Variants in GGA2 observed in about 807,000 individuals in gnomAD.
The protein encoded by GGA2 is golgi associated, gamma adaptin ear containing, ARF binding protein 2, also known as ADP-ribosylation factor-binding protein GGA2.
Under a neutral mutation model 79.5 loss-of-function variants are expected in GGA2, and 48 were observed. The ratio of observed to expected loss-of-function variants is 0.60; its 90% confidence interval spans 0.48 to 0.77. The LOEUF is 0.77. Among genes scored for constraint, GGA2 ranks in the 30% least tolerant of loss-of-function variants. The pLI, the probability that GGA2 is intolerant of heterozygous loss-of-function variation, is 0.00. For missense variants in GGA2, 770 were observed against 774.0 expected (o/e 0.99, Z 0.06); for synonymous variants, 317 against 302.0 (o/e 1.05, Z -0.51).
At position 23,465,097 on chromosome 16, in the gene GGA2, A is replaced by C; in HGVS notation, c.*2493T>G. ...ACACATCATGAATTTGCTTCTCCCC[A>C]GAGGAAAAGAAGCTCCTTCAGGGTG... On this transcript the variant is annotated 3_prime_UTR_variant, in exon 17 of 17. Transcript: ENST00000309859. The C allele has an allele frequency of 1.8e-6, 1 of 565,924 alleles. No homozygotes were observed. The highest frequency in any genetic ancestry group is 1.9e-5 in the African/African-American group (1 of 53,412). 35.1% of individuals were successfully genotyped at this position (565,924 alleles called of 1,614,324 possible).
chr16:23,492,625 A>G (rs1048980688), intron 4 of GGA2, among the ~76,000 whole-genome samples: 10 of 152,148 alleles, frequency 6.6e-5, no homozygotes, highest in African/African-American at 2.2e-4. Flanking sequence ...GACCTTGCCT[A>G]TGTATCGCTT....
chr16:23,504,589 C>G (rs147529603), intron 1 of GGA2, among the ~76,000 whole-genome samples: 1 of 152,168 alleles, frequency 6.6e-6, no homozygotes, highest in Non-Finnish European at 1.5e-5. Flanking sequence ...TTGAGCAGCT[C>G]CAAAAAATGA....
upstream of GGA2, among the ~76,000 whole-genome samples, chr16:23,514,351 GC>G (rs1370349898): frequency 2.6e-5 from 4 of 151,974 alleles, no homozygotes; most frequent in East Asian, 7.7e-4. Flanking sequence ...CAAATGATCC[GC>G]CCACCTCAGC....
intron 2 of GGA2, among the ~76,000 whole-genome samples, chr16:23,519,232 A>C (rs1462471467): frequency 2.6e-5 from 4 of 152,050 alleles, no homozygotes; most frequent in Admixed American, 2.0e-4. Flanking sequence ...TTGTAGAAAC[A>C]GGGTTTCACC....
rs777867432 is a variant in GGA2 at position 23,495,677 on chromosome 16, G to A, written c.176+17C>T. On this transcript the variant is annotated intron_variant, in intron 2 of 16. Transcript: ENST00000309859. ...GGTGCCCCCAGAGTCAACTATGTGT[G>A]TGAGAAGTTACCTTACCCATTGGGG... is the stretch of plus-strand genomic sequence containing the variant. The A allele has an allele frequency of 1.5e-5, 22 of 1,458,726 alleles. No homozygotes were observed. Among genetic ancestry groups the A allele is most frequent in the Non-Finnish European group, 2.0e-5 (21 of 1,039,188 alleles). The allele number at this position is 1,458,726 out of a possible 1,614,324, so 90.4% of individuals were successfully genotyped here.
chr16:23,474,834 G>A, intron 14 of GGA2, 70 bp downstream of exon 14: 1 of 1,173,616 alleles, frequency 8.5e-7, no homozygotes, highest in South Asian at 1.2e-5. Context: ...AAACTGGAGT[G>A]GAAAAAGCTG....
chr16:23,480,474 CA>C, intron 10 of GGA2, 170 bp downstream of exon 10: 1 of 588,800 alleles, frequency 1.7e-6, no homozygotes, highest in South Asian at 2.5e-5. Flanking sequence ...CAGCTCATGA[CA>C]ATTCCTATGG....
rs771430125 is a variant in GGA2 at position 23,467,598 on chromosome 16, C to A, written c.1834G>T (p.Ala612Ser). The change falls in exon 17 of 17, where the codon GCA becomes TCA. Residue 612 changes from alanine (A) to serine (S), a missense_variant. By Grantham distance (99) the Ala-to-Ser change is moderately conservative. Transcript: ENST00000309859. ...GTCCATCTTGTGAAAAGTTAGGCTGCGCCCAAGACAGCCAGGTCTGGGAAG... is the reference window on the plus strand; with the variant it reads ...GTCCATCTTGTGAAAAGTTAGGCTGAGCCCAAGACAGCCAGGTCTGGGAAG... Reference protein sequence around the residue: ...KDFPDLAVLGAA With the variant: ...KDFPDLAVLGSA 7.1e-6 allele frequency: 11 copies of A among 1,544,676 alleles called. No homozygotes were observed. The highest frequency in any genetic ancestry group is 6.7e-5 in the East Asian group (3 of 44,598).
intron 1 of GGA2, among the ~76,000 whole-genome samples, chr16:23,520,180 G>C (rs556994983): frequency 2.7e-5 from 4 of 147,574 alleles, no homozygotes; most frequent in Non-Finnish European, 4.4e-5. Flanking sequence ...TTGAACCCGG[G>C]AAGTGGAGGT....
chr16:23,484,292 C>T (rs1964685331), intron 8 of GGA2, among the ~76,000 whole-genome samples: 1 of 151,886 alleles, frequency 6.6e-6, no homozygotes, highest in African/African-American at 2.4e-5. Context: ...CTGGCACATT[C>T]CTGTAATCCC....
chr16:23,488,531 T>C, intron 6 of GGA2, 75 bp downstream of exon 6: 1 of 879,286 alleles, frequency 1.1e-6, no homozygotes, highest in East Asian at 2.4e-5. Context: ...CATACTCCGA[T>C]TCAAGCATCA....
At chr16:23,505,412 C>T (rs1197806275) in intron 1 of GGA2, among the ~76,000 whole-genome samples, 3 of 152,186 alleles carry the variant, frequency 2.0e-5, no homozygotes, top group Non-Finnish European at 2.9e-5. Context: ...GATCCTAGGA[C>T]ACCCATACAA....
upstream of GGA2, among the ~76,000 whole-genome samples, chr16:23,510,694 G>A (rs902721057): frequency 6.6e-6 from 1 of 152,238 alleles, no homozygotes; most frequent in African/African-American, 2.4e-5. Flanking sequence ...AGAAGAACAC[G>A]AATAATTCTT....
In GGA2 at chr16:23,475,169, C is replaced by CA. The variant is rs1269740833; in HGVS notation, c.1293-109dup. The CA allele has an allele frequency of 5.0e-6, 3 of 599,202 alleles. No individual in the cohort carries two copies. In the East Asian group the frequency reaches 9.2e-5, roughly 18 times the overall value. 37.1% of individuals were successfully genotyped at this position (599,202 alleles called of 1,614,324 possible). A position where few individuals can be genotyped will look rare whatever the true frequency, so the allele number is the denominator to read the frequency against. ...GGAAAAAATAACACACACACACACA[C>CA]AGAGTTAGATGTTATATGCCTTTTT... On this transcript the variant is annotated intron_variant, in intron 13 of 16. Coordinates refer to ENST00000309859, the MANE Select transcript of GGA2 (RefSeq NM_015044.4).
At chr16:23,501,470 T>C (rs1791354596) in intron 1 of GGA2, 2 of 420,192 alleles carry the variant, frequency 4.8e-6, no homozygotes, top group Admixed American at 2.8e-5. Context: ...TTATGCAAGA[T>C]ATTACTTCGA....
chr16:23,469,079 TC>T, intron 15 of GGA2, 83 bp from the exon 16 acceptor site: 1 of 839,342 alleles, frequency 1.2e-6, no homozygotes, highest in Non-Finnish European at 2.0e-6. Context: ...GAGCTGGACC[TC>T]CCCAACACCC....
At chr16:23,507,537 A>G (rs1484342206) in intron 1 of GGA2, among the ~76,000 whole-genome samples, 1 of 152,230 alleles carries the variant, frequency 6.6e-6, no homozygotes, top group East Asian at 1.9e-4. Context: ...CTGAGGCAGG[A>G]GAATTGCTTG....
At position 23,480,651 on chromosome 16, in the gene GGA2, A is replaced by T. The variant is rs138560859; in HGVS notation, c.1000T>A (p.Ser334Thr). 61 of 1,612,298 alleles carry T rather than the reference A, an allele frequency of 3.8e-5. No individual in the cohort carries two copies. The African/African-American group carries it at 7.6e-4, about 20-fold the overall frequency. The change falls in exon 10 of 17, where the codon TCC (serine) becomes ACC (threonine). Residue 334 changes from serine to threonine, a missense_variant. Physicochemically the swap from Ser to Thr is moderately conservative, Grantham distance 58. Transcript: ENST00000309859. ...VTSSLGDIPVSRVFQNPAGCM... is the reference protein window; with the variant it reads ...VTSSLGDIPVTRVFQNPAGCM... ...GAGAAGCTTTCAAACATACCTCTGG[A>T]GACAGGGATGTCTCCCAATGAGCTG...
intron 10 of GGA2, 127 bp from the exon 11 acceptor site, chr16:23,480,014 A>C (rs1596981122): frequency 2.4e-6 from 2 of 819,502 alleles, no homozygotes. Flanking sequence ...CCTTCCAAGA[A>C]CCTTCCACTC....
Sources: allele counts gnomAD v4.1 joint callset (sites outside exome capture counted in the v4.1 genomes callset), GRCh38; gene constraint gnomAD v4.1.1; transcripts MANE v1.5; gene names NCBI Gene and HGNC (gene_info 2026-07-23, HGNC 2026-07-21).